Variants in GALNT2 observed in about 807,000 individuals in gnomAD.
GALNT2 encodes polypeptide N-acetylgalactosaminyltransferase 2, also known as UDP-GalNAc:polypeptide N-acetylgalactosaminyltransferase 2.
A neutral mutation model predicts 81.4 loss-of-function variants in GALNT2; 31 were observed. The observed-to-expected ratio is 0.38, with a 90% CI of 0.29 to 0.51. The LOEUF is 0.51. Ranked by LOEUF, GALNT2 falls within the 20% of genes least tolerant of loss-of-function variation. The pLI, the probability that GALNT2 is intolerant of heterozygous loss-of-function variation, is 0.87. For synonymous variants in GALNT2, 303 were observed against 287.4 expected (o/e 1.05, Z -0.55); for missense variants, 629 against 765.7 (o/e 0.82, Z 2.11).
chr1:230,126,123 T>C (rs1172292821), intron 1 of GALNT2, among the ~76,000 whole-genome samples: 1 of 152,196 alleles, frequency 6.6e-6, no homozygotes, highest in Non-Finnish European at 1.5e-5. Context: ...TGAAGAATGA[T>C]GAGGTTCCCT....
chr1:230,248,975 A>G (rs1456127059), intron 8 of GALNT2, among the ~76,000 whole-genome samples: 17 of 152,118 alleles, frequency 1.1e-4, no homozygotes. Context: ...GAAGATTTCA[A>G]CATTCACCCT....
chr1:230,057,846 C>T (rs901200787), upstream of GALNT2: 1 of 342,144 alleles, frequency 2.9e-6, no homozygotes, highest in Non-Finnish European at 5.9e-6. Flanking sequence ...AAGAAGCTTA[C>T]CCTAAAGGAA....
chr1:230,263,139 G>A, intron 13 of GALNT2, 134 bp downstream of exon 13: 1 of 705,464 alleles, frequency 1.4e-6, no homozygotes, highest in Non-Finnish European at 2.4e-6. Context: ...GAGAGCCTGT[G>A]GTCTCACTCC....
At chr1:230,215,337 G>A (rs1664356792) in intron 3 of GALNT2, among the ~76,000 whole-genome samples, 1 of 152,242 alleles carries the variant, frequency 6.6e-6, no homozygotes, top group African/African-American at 2.4e-5. Flanking sequence ...TATGCCGTTT[G>A]AGGGGAAGAG....
At chr1:230,263,487 C>T (rs1161395109) in intron 13 of GALNT2, 1 of 156,680 alleles carries the variant, frequency 6.4e-6, no homozygotes, top group Non-Finnish European at 1.4e-5. Context: ...ACGAGGCTCC[C>T]TCCTCCCAGC....
chr1:230,100,135 T>C (rs569746106), intron 1 of GALNT2, among the ~76,000 whole-genome samples: 8 of 152,090 alleles, frequency 5.3e-5, no homozygotes, highest in African/African-American at 1.7e-4. Context: ...CTGGAAGTGG[T>C]TTTAATTTGC....
At chr1:230,184,608 T>C (rs1245303179) in intron 2 of GALNT2, among the ~76,000 whole-genome samples, 1 of 152,190 alleles carries the variant, frequency 6.6e-6, no homozygotes, top group Non-Finnish European at 1.5e-5. Context: ...ACATTAGTTA[T>C]AATCCTTCTC....
At chr1:230,236,802 C>A in intron 6 of GALNT2, 77 bp downstream of exon 6, 1 of 1,397,060 alleles carries the variant, frequency 7.2e-7, no homozygotes, top group Non-Finnish European at 9.9e-7. Flanking sequence ...AGTGCTTTAG[C>A]TCAAAGAGCA....
At chr1:230,245,475 C>A (rs1030868797) in intron 7 of GALNT2, among the ~76,000 whole-genome samples, 3 of 151,046 alleles carry the variant, frequency 2.0e-5, no homozygotes, top group East Asian at 1.9e-4. Context: ...AAAAAAAAAA[C>A]AAAACAAAAA....
chr1:230,111,314 G>A (rs998765946), intron 1 of GALNT2, among the ~76,000 whole-genome samples: 6 of 152,234 alleles, frequency 3.9e-5, no homozygotes, highest in Non-Finnish European at 8.8e-5. Flanking sequence ...GTGTTTGCAG[G>A]CACATACATG....
upstream of GALNT2, among the ~76,000 whole-genome samples, chr1:230,066,878 G>A (rs966274575): frequency 3.4e-4 from 51 of 151,488 alleles, no homozygotes; most frequent in African/African-American, 1.2e-3. Flanking sequence ...GGCGGCCGGC[G>A]GGGGGAGCAC....
At chr1:230,213,920 T>C (rs1377726954) in intron 3 of GALNT2, among the ~76,000 whole-genome samples, 2 of 143,680 alleles carry the variant, frequency 1.4e-5, no homozygotes, top group African/African-American at 5.7e-5. Flanking sequence ...CTATAGGATA[T>C]CTTTTATTGT....
intron 1 of GALNT2, among the ~76,000 whole-genome samples, chr1:230,075,214 C>T (rs1659503134): frequency 6.6e-6 from 1 of 151,072 alleles, no homozygotes; most frequent in Non-Finnish European, 1.5e-5. Flanking sequence ...CAACCTCCGC[C>T]TCCCGGGTTC....
chr1:230,110,382 C>T (rs963914303), intron 1 of GALNT2, among the ~76,000 whole-genome samples: 3 of 152,108 alleles, frequency 2.0e-5, no homozygotes, highest in Non-Finnish European at 4.4e-5. Flanking sequence ...CTGTTGTGAG[C>T]TCTGACGGCC....
At chr1:230,159,735 C>G (rs1662372324) in intron 1 of GALNT2, among the ~76,000 whole-genome samples, 1 of 152,222 alleles carries the variant, frequency 6.6e-6, no homozygotes, top group African/African-American at 2.4e-5. Flanking sequence ...GCCTGTCGGT[C>G]AGCTTGAGGG....
chr1:230,133,141 A>G (rs180969711), intron 1 of GALNT2, among the ~76,000 whole-genome samples: 1 of 152,294 alleles, frequency 6.6e-6, no homozygotes, highest in East Asian at 1.9e-4. Context: ...CATTGTATGG[A>G]TATGTCCAAT....
intron 12 of GALNT2, 37 bp downstream of exon 12, chr1:230,262,702 A>G: frequency 8.2e-6 from 5 of 610,946 alleles, no homozygotes; most frequent in Non-Finnish European, 1.4e-5. Flanking sequence ...ATTACTGGGG[A>G]TTCTTGGGGT....
chr1:230,096,098 G>C (rs1660247803), intron 1 of GALNT2, among the ~76,000 whole-genome samples: 1 of 152,208 alleles, frequency 6.6e-6, no homozygotes. Flanking sequence ...CCCTGCTGCA[G>C]GGACTTTTCT....
chr1:230,102,561 C>T (rs759639607), intron 1 of GALNT2, among the ~76,000 whole-genome samples: 5 of 151,952 alleles, frequency 3.3e-5, no homozygotes, highest in Admixed American at 1.3e-4. Context: ...GGTTCCGTTT[C>T]GAGAGTCCTT....
Sources: gnomAD v4.1 joint callset for allele counts (sites outside exome capture counted in the v4.1 genomes callset) on GRCh38, gnomAD v4.1.1 for gene constraint, MANE v1.5 for transcripts, NCBI Gene and HGNC (gene_info 2026-07-23, HGNC 2026-07-21) for gene names.